LMOD1: variants seen among roughly 807,000 people sequenced by gnomAD.
LMOD1 encodes leiomodin 1.
A neutral mutation model predicts 36.5 loss-of-function variants in LMOD1; 8 were observed. That is an observed-to-expected ratio of 0.22 (90% CI 0.13 to 0.40). The LOEUF (loss-of-function observed/expected upper bound fraction) is 0.40, where lower values mean the gene tolerates loss of function less well. Ranked by LOEUF, LMOD1 falls within the 10% of genes least tolerant of loss-of-function variation. The pLI is 1.00. For synonymous variants in LMOD1, 284 were observed against 288.7 expected (o/e 0.98, Z 0.17); for missense variants, 630 against 751.1 (o/e 0.84, Z 1.88).
intron 1 of LMOD1, among the ~76,000 whole-genome samples, chr1:201,935,544 TATTTATTTATTTATTC>T (rs1349629446): frequency 6.6e-6 from 1 of 151,984 alleles, no homozygotes; most frequent in Non-Finnish European, 1.5e-5. Flanking sequence ...ACTTTAGTTT[TATTTATTTATTTATTC>T]ATTTATTTAT....
rs1681221106 is a variant in LMOD1, at chr1:201,897,860, G to T, written c.*512C>A. 1 of 155,534 alleles carries T rather than the reference G, an allele frequency of 6.4e-6. No homozygotes were observed. The highest frequency in any genetic ancestry group is 2.4e-5 in the African/African-American group (1 of 41,492). 9.6% of individuals were successfully genotyped at this position (155,534 alleles called of 1,614,324 possible). ...ATCCTCTAATTAGCCTGGACTTTGG[G>T]GTATCCTCAGCCCCTCCCCACGCTC... On this transcript the variant is annotated 3_prime_UTR_variant, in exon 3 of 3. Coordinates refer to ENST00000367288, the MANE Select transcript of LMOD1 (RefSeq NM_012134.3).
chr1:201,922,729 A>G (rs1681726860), intron 1 of LMOD1, among the ~76,000 whole-genome samples: 1 of 149,610 alleles, frequency 6.7e-6, no homozygotes, highest in Non-Finnish European at 1.5e-5. Context: ...TGTTATATAT[A>G]ATATAATATA....
In LMOD1 at chr1:201,946,432, G is replaced by A; in HGVS notation, c.-92C>T. On this transcript the variant is annotated 5_prime_UTR_variant, in exon 1 of 3. Coordinates refer to ENST00000367288, the MANE Select transcript of LMOD1 (RefSeq NM_012134.3). ...TGAGCTGATCTGGATGCAGCGAGTG[G>A]GCTGAGGAGCAAACCTCCTGCTGGT... The A allele has an allele frequency of 7.3e-7, 1 of 1,372,076 alleles. No individual in the cohort carries two copies. Among genetic ancestry groups the A allele is most frequent in the African/African-American group, 1.4e-5 (1 of 69,948 alleles). 85.0% of individuals were successfully genotyped at this position (1,372,076 alleles called of 1,614,324 possible). A position where few individuals can be genotyped will look rare whatever the true frequency, so the allele number is the denominator to read the frequency against.
At chr1:201,932,860 A>G (rs1681948760) in intron 1 of LMOD1, among the ~76,000 whole-genome samples, 1 of 152,226 alleles carries the variant, frequency 6.6e-6, no homozygotes, top group African/African-American at 2.4e-5. Context: ...GGAGACCTTC[A>G]AATTAGGTGG....
At chr1:201,929,694 A>T (rs547577729) in intron 1 of LMOD1, among the ~76,000 whole-genome samples, 24 of 152,340 alleles carry the variant, frequency 1.6e-4, no homozygotes, top group Admixed American at 2.6e-4. Context: ...GTATGATAGA[A>T]CTGCCTTTGT....
intron 1 of LMOD1, among the ~76,000 whole-genome samples, chr1:201,935,578 TG>T (rs1186037313): frequency 6.6e-6 from 1 of 151,892 alleles, no homozygotes; most frequent in East Asian, 1.9e-4. Context: ...TATTTATTTT[TG>T]ACAGTCTCAC....
At chr1:201,916,809 A>G (rs1007323097) in intron 1 of LMOD1, among the ~76,000 whole-genome samples, 1 of 152,166 alleles carries the variant, frequency 6.6e-6, no homozygotes, top group African/African-American at 2.4e-5. Context: ...CCCCGGTGAT[A>G]AACATCAGTG....
chr1:201,930,116 A>G (rs1681893525), intron 1 of LMOD1, among the ~76,000 whole-genome samples: 1 of 152,180 alleles, frequency 6.6e-6, no homozygotes, highest in Non-Finnish European at 1.5e-5. Context: ...GGTGAGAGTC[A>G]AGGAGAAGAG....
intron 1 of LMOD1, among the ~76,000 whole-genome samples, chr1:201,924,113 A>G (rs1221888161): frequency 2.0e-4 from 30 of 151,262 alleles, no homozygotes. Flanking sequence ...TCAGGAGATC[A>G]AGACCATCCT....
intron 1 of LMOD1, among the ~76,000 whole-genome samples, chr1:201,923,681 T>A (rs1379135072): frequency 6.6e-6 from 1 of 152,010 alleles, no homozygotes; most frequent in Non-Finnish European, 1.5e-5. Context: ...CTGGGCAACA[T>A]GGCAAAACCC....
chr1:201,922,264 A>G (rs1681718686), intron 1 of LMOD1, among the ~76,000 whole-genome samples: 1 of 152,216 alleles, frequency 6.6e-6, no homozygotes, highest in Non-Finnish European at 1.5e-5. Context: ...AATTGAAAAT[A>G]TATGTCCACA....
chr1:201,935,181 A>G (rs1049174715), intron 1 of LMOD1, among the ~76,000 whole-genome samples: 1 of 152,224 alleles, frequency 6.6e-6, no homozygotes, highest in Non-Finnish European at 1.5e-5. Context: ...AAATGAGACC[A>G]GTTAGAAGGG....
intron 1 of LMOD1, among the ~76,000 whole-genome samples, chr1:201,935,560 C>T (rs975217625): frequency 2.6e-5 from 4 of 151,660 alleles, no homozygotes; most frequent in Admixed American, 6.6e-5. Context: ...TTTATTTATT[C>T]ATTTATTTAT....
intron 1 of LMOD1, among the ~76,000 whole-genome samples, chr1:201,906,124 C>T (rs186626904): frequency 3.5e-4 from 54 of 152,252 alleles, no homozygotes; most frequent in Non-Finnish European, 1.0e-4. Context: ...TTTTCTAGGC[C>T]TTGGCTAAAG....
chr1:201,928,906 C>T (rs758257009), intron 1 of LMOD1, among the ~76,000 whole-genome samples: 7 of 151,718 alleles, frequency 4.6e-5, no homozygotes, highest in African/African-American at 1.2e-4. Context: ...TTAGTAGAGA[C>T]GGGGTTTTGC....
At chr1:201,928,391 G>A (rs911695195) in intron 1 of LMOD1, among the ~76,000 whole-genome samples, 4 of 152,198 alleles carry the variant, frequency 2.6e-5, no homozygotes, top group Admixed American at 1.3e-4. Context: ...CTACTTGGGC[G>A]TCAGAAAGGC....
At position 201,920,004 on chromosome 1, in the gene LMOD1, A is replaced by G. The variant is rs899901388; in HGVS notation, c.262-19253T>C. On this transcript the variant is annotated intron_variant, in intron 1 of 2. Coordinates refer to ENST00000367288, the MANE Select transcript of LMOD1 (RefSeq NM_012134.3). ...GGACTTCAAAGAGTAGAAGGAATATATTGGCTTCAATGCCATCTCCACCCG... is the reference window on the plus strand; with the variant it reads ...GGACTTCAAAGAGTAGAAGGAATATGTTGGCTTCAATGCCATCTCCACCCG... 6.0e-5 allele frequency among the ~76,000 whole-genome samples: 7 copies of G among 116,926 alleles called. No individual in the cohort carries two copies. The South Asian group carries it at 1.8e-3, about 31-fold the overall frequency. 76.7% of individuals were successfully genotyped at this position (116,926 alleles called of 152,430 possible). A position where few individuals can be genotyped will look rare whatever the true frequency, so the allele number is the denominator to read the frequency against.
At chr1:201,901,660 G>GTGTGTA (rs1553295744) in intron 1 of LMOD1, among the ~76,000 whole-genome samples, 1 of 85,614 alleles carries the variant, frequency 1.2e-5, no homozygotes, top group Non-Finnish European at 2.2e-5. Flanking sequence ...ATATATATGT[G>GTGTGTA]TATATATATA....
intron 1 of LMOD1, among the ~76,000 whole-genome samples, chr1:201,937,338 T>C (rs542321366): frequency 2.0e-5 from 3 of 152,110 alleles, no homozygotes; most frequent in Non-Finnish European, 4.4e-5. Flanking sequence ...TCCTAACTAC[T>C]TGGGAGGCTG....
Sources: gnomAD v4.1 joint callset for allele counts (sites outside exome capture counted in the v4.1 genomes callset) on GRCh38, gnomAD v4.1.1 for gene constraint, MANE v1.5 for transcripts, NCBI Gene and HGNC (gene_info 2026-07-23, HGNC 2026-07-21) for gene names.